The following RBKS variants were observed in gnomAD, a reference collection of about 807,000 sequenced individuals.
The protein encoded by RBKS is ribokinase.
Under a neutral mutation model 33.9 loss-of-function variants are expected in RBKS, and 33 were observed. The observed-to-expected ratio is 0.97, with a 90% CI of 0.74 to 1.30. RBKS has a LOEUF of 1.30. Among genes scored for constraint, RBKS ranks in the 50% most tolerant of loss-of-function variants. The pLI, the probability that RBKS is intolerant of heterozygous loss-of-function variation, is 0.00. For missense variants in RBKS, 361 were observed against 392.6 expected, an observed-to-expected ratio of 0.92 and a Z score of 0.68; for synonymous variants, 125 against 143.0, an observed-to-expected ratio of 0.87 and a Z score of 0.90.
At chr2:27,858,187 G>A (rs1663896899) in intron 2 of RBKS, among the ~76,000 whole-genome samples, 2 of 152,262 alleles carry the variant, frequency 1.3e-5, no homozygotes, top group Non-Finnish European at 2.9e-5. Flanking sequence ...GAAGACTGGT[G>A]GTTCCCAGGG....
rs569858473 is a variant in RBKS, at chr2:27,858,447, C to T, written c.214G>A (p.Val72Met). Residue 72 changes from valine (V) to methionine (M), a missense_variant, in exon 2 of 8, where the codon GTG (valine) becomes ATG (methionine). Transcript: ENST00000302188. ...CTATACTTTGTACTTACCTTACACA[C>T]CATGGACGTCATTGCTCCAAGCCGA... ...AARLGAMTSM[V>M]CKVGKDSFGN... 2 of 1,613,498 alleles carry T rather than the reference C, an allele frequency of 1.2e-6. No homozygotes were observed. The highest frequency in any genetic ancestry group is 2.2e-5 in the South Asian group (2 of 91,044).
intron 7 of RBKS, among the ~76,000 whole-genome samples, chr2:27,825,692 C>T (rs1678298117): frequency 6.6e-6 from 1 of 152,194 alleles, no homozygotes; most frequent in African/African-American, 2.4e-5. Context: ...AGGGAGGGAG[C>T]CAGTGAGCAA....
At chr2:27,884,692 T>C (rs1388642222) in intron 1 of RBKS, among the ~76,000 whole-genome samples, 1 of 152,228 alleles carries the variant, frequency 6.6e-6, no homozygotes, top group East Asian at 1.9e-4. Context: ...TAAGCTTAGA[T>C]GCTTGGGTGA....
At chr2:27,861,673 G>GGGGGGGGGGGC (rs1663991151) in intron 1 of RBKS, 1 of 411,838 alleles carries the variant, frequency 2.4e-6, no homozygotes, top group Non-Finnish European at 5.0e-6. Context: ...TGGGGGGGGG[G>GGGGGGGGGGGC]TGGAGTCTCA....
chr2:27,867,464 G>C (rs892635058), intron 1 of RBKS, among the ~76,000 whole-genome samples: 1 of 152,080 alleles, frequency 6.6e-6, no homozygotes, highest in Non-Finnish European at 1.5e-5. Context: ...GTTATGTGAC[G>C]GGAGTCTTTA....
chr2:27,875,274 A>G (rs1249051130), intron 1 of RBKS, among the ~76,000 whole-genome samples: 2 of 152,224 alleles, frequency 1.3e-5, no homozygotes, highest in African/African-American at 4.8e-5. Context: ...CCAGCCAGGT[A>G]TGGTGTCTCA....
intron 7 of RBKS, among the ~76,000 whole-genome samples, chr2:27,791,433 T>C (rs1269676073): frequency 6.6e-6 from 1 of 152,120 alleles, no homozygotes; most frequent in African/African-American, 2.4e-5. Context: ...GGGCAAATTC[T>C]TTCTCTCTCT....
At chr2:27,865,266 GC>G (rs1664073428) in intron 1 of RBKS, among the ~76,000 whole-genome samples, 1 of 152,188 alleles carries the variant, frequency 6.6e-6, no homozygotes, top group South Asian at 2.1e-4. Context: ...GTTGCAGTGA[GC>G]CGAGATCGCG....
chr2:27,799,155 A>G (rs1440828363), intron 7 of RBKS, among the ~76,000 whole-genome samples: 1 of 152,210 alleles, frequency 6.6e-6, no homozygotes, highest in East Asian at 1.9e-4. Flanking sequence ...CAGATGCATG[A>G]AAGTTCTGGT....
intron 7 of RBKS, chr2:27,782,541 C>A (rs897160220): frequency 2.3e-6 from 1 of 443,712 alleles, no homozygotes; most frequent in South Asian, 1.6e-5. Flanking sequence ...TAGCACATAC[C>A]TTAATTGGGA....
intron 6 of RBKS, 131 bp downstream of exon 6, chr2:27,832,555 G>GA (rs1678438743): frequency 2.9e-6 from 2 of 692,854 alleles, no homozygotes; most frequent in South Asian, 1.6e-5. Context: ...CCGGTAAACT[G>GA]AAAAAATCTG....
chr2:27,879,673 C>A (rs528904919), intron 1 of RBKS, among the ~76,000 whole-genome samples: 9 of 152,238 alleles, frequency 5.9e-5, no homozygotes, highest in African/African-American at 2.2e-4. Flanking sequence ...ACTGACCCCA[C>A]AGAAATACAA....
rs114263202 is a variant in RBKS, at chr2:27,856,893, A to G, written c.222+1546T>C. 5.1e-3 allele frequency among the ~76,000 whole-genome samples: 782 copies of G among 152,256 alleles called. 6 individuals carry two copies. Among genetic ancestry groups the G allele is most frequent in the African/African-American group, 0.018 (738 of 41,564 alleles). ...GTCAGGCCTAAGTTTTTAATCAGCC[A>G]CCTCTCACAGACCCATAATTCCTGG... On this transcript the variant is annotated intron_variant, in intron 2 of 7. Coordinates refer to ENST00000302188, the MANE Select transcript of RBKS (RefSeq NM_022128.3).
intron 7 of RBKS, among the ~76,000 whole-genome samples, chr2:27,826,587 T>G: frequency 6.6e-6 from 1 of 152,042 alleles, no homozygotes. Context: ...TTTTGTATCT[T>G]TAGTAGAATG....
At chr2:27,889,558 G>A (rs1573088590) in intron 1 of RBKS, among the ~76,000 whole-genome samples, 3 of 152,272 alleles carry the variant, frequency 2.0e-5, no homozygotes, top group East Asian at 1.9e-4. Context: ...AGAAGGATCT[G>A]TCTACTCAAT....
In RBKS at chr2:27,795,088, T is replaced by C. The variant is rs79702759; in HGVS notation, c.796-13300A>G. On this transcript the variant is annotated intron_variant, in intron 7 of 7. Coordinates refer to ENST00000302188, the MANE Select transcript of RBKS (RefSeq NM_022128.3). This position sits in a 1 kb window ranked among gnomAD's most constrained non-coding sequence, Gnocchi z 4.1. Reference sequence around the variant, plus strand: ...AGAACCATGACAGAGGCAATCTCCATGTGTTAAACTCTTACGAGAGGTCGG... The same window carrying C: ...AGAACCATGACAGAGGCAATCTCCACGTGTTAAACTCTTACGAGAGGTCGG... Among the ~76,000 whole-genome samples the C allele has an allele frequency of 1.3e-5, 2 of 152,198 alleles. No individual in the cohort carries two copies. Among genetic ancestry groups the C allele is most frequent in the African/African-American group, 4.8e-5 (2 of 41,448 alleles).
At chr2:27,785,417 G>T (rs1573029399) in intron 7 of RBKS, among the ~76,000 whole-genome samples, 2 of 152,156 alleles carry the variant, frequency 1.3e-5, no homozygotes, top group Non-Finnish European at 2.9e-5. Flanking sequence ...TTTCAGAAAA[G>T]GAAATGTATA....
chr2:27,853,338 A>C (rs1663788505), intron 2 of RBKS, among the ~76,000 whole-genome samples: 1 of 143,464 alleles, frequency 7.0e-6, no homozygotes, highest in Non-Finnish European at 1.5e-5. Context: ...ACTACAGCCC[A>C]GGCAACCTGT....
chr2:27,841,910 T>C (rs1483308280), intron 5 of RBKS, among the ~76,000 whole-genome samples: 1 of 152,212 alleles, frequency 6.6e-6, no homozygotes, highest in African/African-American at 2.4e-5. Context: ...TTGATTTTTT[T>C]CACCAAATGA....
Sources: gnomAD v4.1 joint callset for allele counts (sites outside exome capture counted in the v4.1 genomes callset) on GRCh38, gnomAD v4.1.1 for gene constraint, Gnocchi (gnomAD v3.1) non-coding constraint, MANE v1.5 for transcripts, NCBI Gene and HGNC (gene_info 2026-07-23, HGNC 2026-07-21) for gene names.